The following RGPD4 variants were observed in gnomAD, a reference collection of about 807,000 sequenced individuals.
The protein encoded by RGPD4 is RANBP2 like and GRIP domain containing 4.
Under a neutral mutation model 141.1 loss-of-function variants are expected in RGPD4, and 84 were observed. The ratio of observed to expected loss-of-function variants is 0.60; its 90% confidence interval spans 0.50 to 0.71. RGPD4 has a LOEUF of 0.71. Among genes scored for constraint, RGPD4 ranks in the 30% least tolerant of loss-of-function variants. The probability of loss-of-function intolerance (pLI) is 0.00; values close to 1 mark genes in which losing one functional copy is unlikely to be tolerated. For synonymous variants in RGPD4, 298 were observed against 566.8 expected (o/e 0.53, Z 6.74); for missense variants, 918 against 1,622.4 (o/e 0.57, Z 7.46).
intron 20 of RGPD4, among the ~76,000 whole-genome samples, chr2:107,875,641 G>A (rs1396235273): frequency 7.0e-6 from 1 of 142,484 alleles, no homozygotes; most frequent in Non-Finnish European, 1.5e-5. Context: ...ATTAATGGTG[G>A]CTGGGGATGG....
intron 22 of RGPD4, among the ~76,000 whole-genome samples, chr2:107,883,426 C>T (rs1236825473): frequency 6.6e-6 from 1 of 151,340 alleles, no homozygotes; most frequent in African/African-American, 2.4e-5. Flanking sequence ...GATCAAGATA[C>T]TGAGACCATC....
At chr2:107,832,070 GC>G (rs1681513901) in intron 1 of RGPD4, among the ~76,000 whole-genome samples, 1 of 149,994 alleles carries the variant, frequency 6.7e-6, no homozygotes, top group South Asian at 2.1e-4. Context: ...CTGAATAATT[GC>G]TTTATTTTTT....
intron 11 of RGPD4, 31 bp from the exon 12 acceptor site, chr2:107,859,691 A>T (rs538810945): frequency 6.2e-7 from 1 of 1,611,426 alleles, no homozygotes; most frequent in South Asian, 1.1e-5. Flanking sequence ...GTATTTAGAA[A>T]GCAATTTTAG....
chr2:107,828,338 G>T (rs866823813), intron 1 of RGPD4, among the ~76,000 whole-genome samples: 4 of 12,440 alleles, frequency 3.2e-4, no homozygotes, highest in African/African-American at 1.4e-3. Flanking sequence ...GCCCGGCGGC[G>T]GCCTCGATGG....
rs1306091004 is a variant in RGPD4 at position 107,883,216 on chromosome 2, T to C, written c.5266+343T>C. 9.8e-4 allele frequency: 447 copies of C among 454,698 alleles called. 5 individuals carry two copies. The highest frequency in any genetic ancestry group is 7.6e-3 in the South Asian group (437 of 57,486). 28.2% of individuals were successfully genotyped at this position (454,698 alleles called of 1,614,324 possible). A position where few individuals can be genotyped will look rare whatever the true frequency, so the allele number is the denominator to read the frequency against. On this transcript the variant is annotated intron_variant, in intron 22 of 22. Coordinates refer to ENST00000408999, the MANE Select transcript of RGPD4 (RefSeq NM_182588.3). ...TTTTAAAAAACATTTATTAGCTTGT[T>C]CCTTTTCTACTTCACCCCTCTTCCT...
rs1481753813 is a variant in RGPD4, at chr2:107,828,754, G to C, written c.72+1669G>C. ...CTCGACCTGGCCCGGCGGCTGCCTC[G>C]ATGGCTCAGGCATCATGGCTCCTGA... On this transcript the variant is annotated intron_variant, in intron 1 of 22. Coordinates refer to ENST00000408999, the MANE Select transcript of RGPD4 (RefSeq NM_182588.3). Among the ~76,000 whole-genome samples, 11 of 29,116 alleles carry C rather than the reference G, an allele frequency of 3.8e-4. 2 individuals are homozygous for C. The highest frequency in any genetic ancestry group is 6.0e-4 in the Non-Finnish European group (8 of 13,318). The allele number at this position is 29,116 out of a possible 152,430, so 19.1% of individuals were successfully genotyped here.
intron 6 of RGPD4, among the ~76,000 whole-genome samples, chr2:107,846,832 C>T (rs889019827): frequency 6.6e-6 from 1 of 151,384 alleles, no homozygotes; most frequent in Non-Finnish European, 1.5e-5. Context: ...AGAAAAGTGT[C>T]ATTGTTTTTG....
intron 6 of RGPD4, among the ~76,000 whole-genome samples, chr2:107,845,555 G>A (rs1413805989): frequency 2.6e-5 from 4 of 151,982 alleles, no homozygotes; most frequent in Non-Finnish European, 5.9e-5. Context: ...TGCCACCCTA[G>A]GCAGTTTCAC....
chr2:107,847,078 T>G (rs1350931767), intron 6 of RGPD4, among the ~76,000 whole-genome samples: 2 of 149,856 alleles, frequency 1.3e-5, no homozygotes, highest in African/African-American at 4.9e-5. Context: ...TTGTCTCTAC[T>G]AAAAATACAA....
At position 107,871,287 on chromosome 2, in the gene RGPD4, A is replaced by T. The variant is rs753198148; in HGVS notation, c.3283A>T (p.Lys1095Ter). ...LKILKNEVNG[K>*]PRMLMRREQV... is the part of the protein sequence containing the mutation. ...AATTCTCAAAAACGAGGTCAATGGC[A>T]AACCAAGAATGCTGATGCGAAGAGA... The change falls in exon 20 of 23, where the codon AAA becomes TAA. Residue 1095 changes from lysine to a stop codon, truncating the protein, a stop_gained. Coordinates refer to ENST00000408999, the MANE Select transcript of RGPD4 (RefSeq NM_182588.3). LOFTEE classifies it high-confidence loss of function. 8 of 1,607,272 alleles carry T rather than the reference A, an allele frequency of 5.0e-6. No individual in the cohort carries two copies. The East Asian group carries it at 1.8e-4, about 36-fold the overall frequency.
At chr2:107,829,702 G>A (rs1395531777) in intron 1 of RGPD4, among the ~76,000 whole-genome samples, 3 of 152,134 alleles carry the variant, frequency 2.0e-5, no homozygotes, top group Non-Finnish European at 4.4e-5. Context: ...GCGGCGGGCG[G>A]GAGACCTTTG....
At position 107,860,878 on chromosome 2, in the gene RGPD4, C is replaced by G; in HGVS notation, c.1871C>G (p.Pro624Arg). ...ATAATAAAAAAGAAGAACAGTATTC[C>G]TGAACCTATTGATCCTCTGTTTAAA... ...LKIIKKKNSI[P>R]EPIDPLFKHF... is the part of the protein sequence containing the mutation. The change falls in exon 13 of 23, where the codon CCT becomes CGT. Residue 624 changes from proline to arginine, a missense_variant. By Grantham distance (103) the Pro-to-Arg change is moderately radical (BLOSUM62 -2). Coordinates refer to ENST00000408999, the MANE Select transcript of RGPD4 (RefSeq NM_182588.3). 6.3e-7 allele frequency: 1 copy of G among 1,591,784 alleles called. No homozygotes were observed.
At chr2:107,835,535 G>C (rs1248151116) in intron 1 of RGPD4, among the ~76,000 whole-genome samples, 2 of 151,144 alleles carry the variant, frequency 1.3e-5, no homozygotes, top group East Asian at 3.9e-4. Flanking sequence ...GTACTATTGA[G>C]GCACAGGGAA....
At chr2:107,833,623 A>G (rs1360620814) in intron 1 of RGPD4, among the ~76,000 whole-genome samples, 5 of 150,564 alleles carry the variant, frequency 3.3e-5, no homozygotes, top group African/African-American at 1.2e-4. Context: ...AATAATTTGT[A>G]AAGTTGTTTA....
At chr2:107,857,784 G>A (rs1475370189) in intron 9 of RGPD4, among the ~76,000 whole-genome samples, 1 of 151,272 alleles carries the variant, frequency 6.6e-6, no homozygotes, top group African/African-American at 2.4e-5. Context: ...CTGAGATCAG[G>A]AGTTCAAGAC....
intron 15 of RGPD4, among the ~76,000 whole-genome samples, 190 bp from the exon 16 acceptor site, chr2:107,862,489 AAAT>A (rs1377277525): frequency 7.2e-5 from 11 of 152,242 alleles, no homozygotes; most frequent in South Asian, 4.1e-4. Context: ...AAAAAAATAA[AAAT>A]AATACAAAAC....
intron 7 of RGPD4, among the ~76,000 whole-genome samples, chr2:107,854,167 G>A (rs1478659818): frequency 7.8e-6 from 1 of 127,494 alleles, no homozygotes; most frequent in South Asian, 2.8e-4. Context: ...CTATCCTTGT[G>A]CCTCAGCCTC....
intron 6 of RGPD4, among the ~76,000 whole-genome samples, chr2:107,846,755 A>G (rs1035942171): frequency 6.6e-6 from 1 of 151,598 alleles, no homozygotes; most frequent in African/African-American, 2.4e-5. Context: ...TGTGTGAGCC[A>G]CCGCACAGGG....
chr2:107,829,831 T>C (rs1373769069), intron 1 of RGPD4, among the ~76,000 whole-genome samples: 1 of 152,062 alleles, frequency 6.6e-6, no homozygotes, highest in Non-Finnish European at 1.5e-5. Flanking sequence ...AGCCTGGTTC[T>C]CGGGGGCTTA....
Sources: allele counts gnomAD v4.1 joint callset (sites outside exome capture counted in the v4.1 genomes callset), GRCh38; gene constraint gnomAD v4.1.1; transcripts MANE v1.5; gene names NCBI Gene and HGNC (gene_info 2026-07-23, HGNC 2026-07-21).